Variants in UNC5A observed in about 807,000 individuals in gnomAD.
UNC5A encodes the protein netrin receptor UNC5A.
Under a neutral mutation model 87.4 loss-of-function variants are expected in UNC5A, and 20 were observed. The observed-to-expected ratio is 0.23, with a 90% CI of 0.16 to 0.33. UNC5A has a LOEUF of 0.33. UNC5A is among the 10% of genes least tolerant of loss of function. The pLI, the probability that UNC5A is intolerant of heterozygous loss-of-function variation, is 1.00. For synonymous variants in UNC5A, 438 were observed against 482.3 expected (o/e 0.91, Z 1.20); for missense variants, 844 against 1,133.4 (o/e 0.74, Z 3.67).
rs1383908029 is a variant in UNC5A, at chr5:176,879,844, G to A, written c.2487G>A (p.Gln829=). Residue 829 remains glutamine (Q), a synonymous_variant, in exon 15 of 15, where the codon CAG becomes CAA. Coordinates refer to ENST00000329542, the MANE Select transcript of UNC5A (RefSeq NM_133369.3). Reference sequence around the variant, plus strand: ...CTGCAGCAGTGGCTGGACTGGGCCAGCCAGACGCTGGCCTCTTCACAGTGT... The same window carrying A: ...CTGCAGCAGTGGCTGGACTGGGCCAACCAGACGCTGGCCTCTTCACAGTGT... ...QLAAAVAGLG[Q]PDAGLFTVSE... is the part of the protein sequence containing the mutation. 6.2e-7 allele frequency: 1 copy of A among 1,612,408 alleles called. No individual in the cohort carries two copies. The highest frequency in any genetic ancestry group is 1.3e-5 in the African/African-American group (1 of 74,904).
At position 176,869,528 on chromosome 5, in the gene UNC5A, C is replaced by T. The variant is rs1224492811; in HGVS notation, c.721+564C>T. Reference sequence around the variant, plus strand: ...AGCCCACCCGTGTCCAGCTCACAGCCCCTCTGCCCTCACGCCCCGTCCCCT... The same window carrying T: ...AGCCCACCCGTGTCCAGCTCACAGCTCCTCTGCCCTCACGCCCCGTCCCCT... On this transcript the variant is annotated intron_variant, in intron 5 of 14. Coordinates refer to ENST00000329542, the MANE Select transcript of UNC5A (RefSeq NM_133369.3). The surrounding 1 kb of genome is among the most constrained non-coding windows in gnomAD (Gnocchi z 9.1). The T allele has an allele frequency of 2.4e-5, 15 of 626,986 alleles. No homozygotes were observed. In the Admixed American group the frequency reaches 3.3e-4, roughly 14 times the overall value. 38.8% of individuals were successfully genotyped at this position (626,986 alleles called of 1,614,324 possible). A position where few individuals can be genotyped will look rare whatever the true frequency, so the allele number is the denominator to read the frequency against.
At position 176,879,436 on chromosome 5, in the gene UNC5A, T is replaced by C. The variant is rs1321820158; in HGVS notation, c.2311T>C (p.Cys771Arg). 2 of 1,612,608 alleles carry C rather than the reference T, an allele frequency of 1.2e-6. No homozygotes were observed. The highest frequency in any genetic ancestry group is 1.7e-6 in the Non-Finnish European group (2 of 1,179,780). ...GATAATTTCCAGCCTGGACCCACCC[T>C]GTAGGCGGGGTGCCGACTGGCGGAC... The part of the protein sequence containing the change: ...QKIISSLDPP[C>R]RRGADWRTLA... Residue 771 changes from cysteine (C) to arginine (R), a missense_variant, in exon 14 of 15, where the codon TGT becomes CGT. Cys to Arg is a radical substitution (Grantham distance 180). Coordinates refer to ENST00000329542, the MANE Select transcript of UNC5A (RefSeq NM_133369.3).
intron 1 of UNC5A, among the ~76,000 whole-genome samples, chr5:176,830,631 T>C (rs1293824153): frequency 5.7e-4 from 76 of 133,348 alleles, no homozygotes; most frequent in African/African-American, 2.1e-3. Flanking sequence ...CGTGTGTGTG[T>C]GTGCGCTGGC....
In UNC5A at chr5:176,824,141, G is replaced by A. The variant is rs948283390; in HGVS notation, c.70+13321G>A. Among the ~76,000 whole-genome samples, 1 of 152,266 alleles carries A rather than the reference G, an allele frequency of 6.6e-6. No homozygotes were observed. The highest frequency in any genetic ancestry group is 2.4e-5 in the African/African-American group (1 of 41,472). On this transcript the variant is annotated intron_variant, in intron 1 of 14. Transcript: ENST00000329542. The surrounding 1 kb of genome is among the most constrained non-coding windows in gnomAD (Gnocchi z 4.2). ...TCTCCCGCCTGGAGGCGGAGGTGCG[G>A]CCCCGATGCCTCCCGGGTTGGAGGC...
At chr5:176,813,058 G>C (rs903156214) in intron 1 of UNC5A, among the ~76,000 whole-genome samples, 1 of 152,204 alleles carries the variant, frequency 6.6e-6, no homozygotes, top group Admixed American at 6.5e-5. Context: ...CAGGCCACGC[G>C]CCCACCCTCT....
At chr5:176,846,075 G>A (rs1757396189) in intron 1 of UNC5A, among the ~76,000 whole-genome samples, 2 of 152,182 alleles carry the variant, frequency 1.3e-5, no homozygotes, top group Admixed American at 6.5e-5. Flanking sequence ...ACAGGGAGCT[G>A]GTCATCTGGG....
chr5:176,811,597 T>G (rs1252627627), intron 1 of UNC5A, among the ~76,000 whole-genome samples: 1 of 59,068 alleles, frequency 1.7e-5, no homozygotes, highest in Non-Finnish European at 4.2e-5. Flanking sequence ...CCCACCTCAT[T>G]CCCTTGGGAG....
Position 176,879,931 on chromosome 5 carries a change from CA to C in UNC5A, c.*46del. 6.3e-7 allele frequency: 1 copy of C among 1,579,166 alleles called. No individual in the cohort carries two copies. The highest frequency in any genetic ancestry group is 1.1e-5 in the South Asian group (1 of 87,518). ...CTACACTCTCACCAGCTTTGGCACC[CA>C]CCAAGGACAGGCAGAAGCCGGACAG... On this transcript the variant is annotated 3_prime_UTR_variant, in exon 15 of 15. Transcript: ENST00000329542.
At chr5:176,834,696 T>TCTCTCTCTCC (rs1757108178) in intron 1 of UNC5A, among the ~76,000 whole-genome samples, 2 of 150,730 alleles carry the variant, frequency 1.3e-5, no homozygotes, top group Admixed American at 6.6e-5. Context: ...TCTCTCTCTC[T>TCTCTCTCTCC]CTCTCTCTGT....
intron 2 of UNC5A, among the ~76,000 whole-genome samples, chr5:176,863,862 A>C (rs1581270290): frequency 3.0e-5 from 3 of 101,540 alleles, no homozygotes; most frequent in Non-Finnish European, 6.0e-5. Flanking sequence ...CTCCTCTCCT[A>C]CCTTTCCTCC....
At chr5:176,828,363 C>T (rs1049990318) in intron 1 of UNC5A, among the ~76,000 whole-genome samples, 8 of 152,110 alleles carry the variant, frequency 5.3e-5, no homozygotes, top group Non-Finnish European at 2.9e-5. Flanking sequence ...AGTGTGATGT[C>T]ACTCATGGCA....
intron 1 of UNC5A, among the ~76,000 whole-genome samples, chr5:176,812,762 T>G (rs1756491783): frequency 6.6e-6 from 1 of 152,112 alleles, no homozygotes; most frequent in African/African-American, 2.4e-5. Flanking sequence ...AGGCATCAAC[T>G]CTGCCCCTGG....
chr5:176,836,549 A>G (rs691268), intron 1 of UNC5A, among the ~76,000 whole-genome samples: 14,810 of 151,986 alleles, frequency 0.097, 1,488 homozygotes, highest in African/African-American at 0.26. Flanking sequence ...GGTTATGGAA[A>G]GAGTTGCGAT....
In UNC5A at chr5:176,842,013, T is replaced by C. The variant is rs184612664; in HGVS notation, c.71-20611T>C. On this transcript the variant is annotated intron_variant, in intron 1 of 14. Coordinates refer to ENST00000329542, the MANE Select transcript of UNC5A (RefSeq NM_133369.3). ...GAGATCGAGACCATCCTGGCTAACA[T>C]GGTGAAACCCCGTTTCTACTAAAAA... Among the ~76,000 whole-genome samples the C allele has an allele frequency of 4.3e-3, 661 of 152,216 alleles. 4 individuals carry two copies. Among genetic ancestry groups the C allele is most frequent in the African/African-American group, 0.015 (630 of 41,522 alleles).
At chr5:176,877,832 G>T in intron 10 of UNC5A, 62 bp from the exon 11 acceptor site, 1 of 1,532,122 alleles carries the variant, frequency 6.5e-7, no homozygotes, top group Non-Finnish European at 8.8e-7. Flanking sequence ...ACTTCTTGAA[G>T]CCACAGCTGG....
chr5:176,878,013 C>A lies in UNC5A; in HGVS notation c.1755C>A (p.Leu585=). Residue 585 remains leucine, a synonymous_variant, in exon 11 of 15, where the codon CTC becomes CTA. Coordinates refer to ENST00000329542, the MANE Select transcript of UNC5A (RefSeq NM_133369.3). ...LGRFALVGEA[L]SVAAAKRLKL... is the part of the protein sequence containing the mutation. ...GCTTTGCCCTGGTGGGAGAGGCCCT[C>A]AGCGTGGCTGCCGCCAAGCGCCTCA... 1 of 1,607,570 alleles carries A rather than the reference C, an allele frequency of 6.2e-7. No homozygotes were observed. The highest frequency in any genetic ancestry group is 1.1e-5 in the South Asian group (1 of 91,086).
Position 176,865,708 on chromosome 5 carries a change from C to G in UNC5A, c.293-2422C>G, listed in dbSNP as rs777864869. ...CCAAAGACCCCAAACCAGAAACGTT[C>G]TGTGGTCAGACAGGTATGGCAGGGC... On this transcript the variant is annotated intron_variant, in intron 2 of 14. Coordinates refer to ENST00000329542, the MANE Select transcript of UNC5A (RefSeq NM_133369.3). This position sits in a 1 kb window ranked among gnomAD's most constrained non-coding sequence, Gnocchi z 5.3. 1.8e-5 allele frequency: 8 copies of G among 456,408 alleles called. No homozygotes were observed. Among genetic ancestry groups the G allele is most frequent in the Middle Eastern group, 3.2e-4 (1 of 3,096 alleles). 28.3% of individuals were successfully genotyped at this position (456,408 alleles called of 1,614,324 possible). A position where few individuals can be genotyped will look rare whatever the true frequency, so the allele number is the denominator to read the frequency against.
chr5:176,869,674 G>C lies in UNC5A; in HGVS notation c.722-696G>C. The C allele has an allele frequency of 1.4e-6, 1 of 698,574 alleles. No homozygotes were observed. The highest frequency in any genetic ancestry group is 2.6e-6 in the Non-Finnish European group (1 of 382,462). 43.3% of individuals were successfully genotyped at this position (698,574 alleles called of 1,614,324 possible). A position where few individuals can be genotyped will look rare whatever the true frequency, so the allele number is the denominator to read the frequency against. On this transcript the variant is annotated intron_variant, in intron 5 of 14. Coordinates refer to ENST00000329542, the MANE Select transcript of UNC5A (RefSeq NM_133369.3). The surrounding 1 kb of genome is among the most constrained non-coding windows in gnomAD (Gnocchi z 9.1). The stretch of plus-strand genomic sequence containing the variant: ...GTCTGCAGCGCCAGCTGTGGGCGCG[G>C]CTGGCAGAAACGGAGCCGGAGCTGC...
chr5:176,866,280 C>T lies in UNC5A; in HGVS notation c.293-1850C>T, dbSNP rs988257867. Among the ~76,000 whole-genome samples the T allele has an allele frequency of 2.6e-5, 4 of 152,168 alleles. No individual in the cohort carries two copies. Among genetic ancestry groups the T allele is most frequent in the African/African-American group, 7.2e-5 (3 of 41,444 alleles). The stretch of plus-strand genomic sequence containing the variant: ...GGGGTAGGGCCGGGTCTGCAGCCCC[C>T]GCCTCAGGCACTGCCCTCCAGGAGC... On this transcript the variant is annotated intron_variant, in intron 2 of 14. Coordinates refer to ENST00000329542, the MANE Select transcript of UNC5A (RefSeq NM_133369.3). The surrounding 1 kb of genome is among the most constrained non-coding windows in gnomAD (Gnocchi z 5.0).
Sources: allele counts gnomAD v4.1 joint callset (sites outside exome capture counted in the v4.1 genomes callset), GRCh38; gene constraint gnomAD v4.1.1; non-coding constraint Gnocchi (gnomAD v3.1); transcripts MANE v1.5; gene names NCBI Gene and HGNC (gene_info 2026-07-23, HGNC 2026-07-21).